SDK1: variants seen among roughly 807,000 people sequenced by gnomAD.
SDK1 encodes the protein protein sidekick-1.
A neutral mutation model predicts 245.5 loss-of-function variants in SDK1; 157 were observed. That is an observed-to-expected ratio of 0.64 (90% CI 0.56 to 0.73). The LOEUF (loss-of-function observed/expected upper bound fraction) is 0.73, where lower values mean the gene tolerates loss of function less well. SDK1 is among the 30% of genes least tolerant of loss of function. The probability of loss-of-function intolerance (pLI) is 0.00; values close to 1 mark genes in which losing one functional copy is unlikely to be tolerated. For missense variants in SDK1, 3,583 were observed against 3,002.3 expected (o/e 1.19, Z -4.52); for synonymous variants, 1,647 against 1,278.5 (o/e 1.29, Z -6.15).
chr7:3,948,497 C>T (rs1026580165), intron 5 of SDK1, among the ~76,000 whole-genome samples: 4 of 152,138 alleles, frequency 2.6e-5, no homozygotes, highest in East Asian at 1.9e-4. Flanking sequence ...CTCCTGACCT[C>T]GTGATCCACC....
intron 4 of SDK1, among the ~76,000 whole-genome samples, chr7:3,726,749 A>C (rs2115036139): frequency 6.6e-6 from 1 of 152,336 alleles, no homozygotes; most frequent in Non-Finnish European, 1.5e-5. Context: ...CAGTGTCCTC[A>C]GTACCAGCAG....
intron 2 of SDK1, among the ~76,000 whole-genome samples, chr7:3,628,688 G>C (rs1488350558): frequency 6.6e-6 from 1 of 152,132 alleles, no homozygotes; most frequent in South Asian, 2.1e-4. Context: ...CTGGCAACCT[G>C]GGTCAAGATA....
chr7:3,453,025 C>T (rs1334284312), intron 1 of SDK1, among the ~76,000 whole-genome samples: 1 of 152,190 alleles, frequency 6.6e-6, no homozygotes, highest in Admixed American at 6.5e-5. Context: ...CCCGTCTTGC[C>T]ATTGCCTCCT....
intron 22 of SDK1, among the ~76,000 whole-genome samples, chr7:4,081,491 C>A (rs1781053639): frequency 1.3e-5 from 2 of 149,868 alleles, no homozygotes; most frequent in Admixed American, 1.3e-4. Context: ...GCCTTCTCAG[C>A]TCACTGCAAG....
intron 5 of SDK1, among the ~76,000 whole-genome samples, chr7:3,828,857 A>G (rs114520524): frequency 8.6e-4 from 130 of 151,870 alleles, no homozygotes; most frequent in African/African-American, 3.0e-3. Context: ...CAGTCTGGCT[A>G]TGTTACCCAG....
chr7:4,139,223 G>A (rs1779302283), intron 28 of SDK1, among the ~76,000 whole-genome samples: 1 of 151,864 alleles, frequency 6.6e-6, no homozygotes, highest in South Asian at 2.1e-4. Context: ...ATCGCCACTT[G>A]CACTCCAGTC....
chr7:3,607,918 G>T (rs1385424903), intron 1 of SDK1, among the ~76,000 whole-genome samples: 1 of 152,248 alleles, frequency 6.6e-6, no homozygotes, highest in African/African-American at 2.4e-5. Context: ...TGTGGTTCAA[G>T]AACCTGTGGC....
chr7:4,062,705 A>T (rs1469003750), intron 19 of SDK1, among the ~76,000 whole-genome samples: 1 of 152,200 alleles, frequency 6.6e-6, no homozygotes, highest in Non-Finnish European at 1.5e-5. Context: ...AAAATCCTCA[A>T]CAAAAATATT....
At chr7:4,203,451 T>C (rs7787800) in intron 35 of SDK1, among the ~76,000 whole-genome samples, 49,315 of 151,824 alleles carry the variant, frequency 0.32, 8,770 homozygotes, top group African/African-American at 0.47. Flanking sequence ...AAATGCCAGT[T>C]GCAGGCAATC....
At chr7:3,434,897 C>G (rs992299393) in intron 1 of SDK1, among the ~76,000 whole-genome samples, 1 of 152,142 alleles carries the variant, frequency 6.6e-6, no homozygotes, top group African/African-American at 2.4e-5. Context: ...GCCATTTCAT[C>G]GCAGTGTTTA....
intron 5 of SDK1, among the ~76,000 whole-genome samples, chr7:3,943,383 T>C (rs1562555021): frequency 8.8e-4 from 3 of 3,418 alleles, no homozygotes; most frequent in Admixed American, 2.9e-3. Flanking sequence ...TCTTTCCCCT[T>C]CTCCCCCCAC....
At chr7:3,510,383 A>G (rs1261635342) in intron 1 of SDK1, among the ~76,000 whole-genome samples, 14 of 152,162 alleles carry the variant, frequency 9.2e-5, no homozygotes. Context: ...CAAGTTTTTT[A>G]GTTATGTTCC....
intron 1 of SDK1, among the ~76,000 whole-genome samples, chr7:3,489,527 T>C (rs1781805028): frequency 6.6e-6 from 1 of 152,220 alleles, no homozygotes; most frequent in South Asian, 2.1e-4. Context: ...GTCTTTATTG[T>C]TCTTCCAGCA....
At chr7:3,487,615 C>T (rs936471929) in intron 1 of SDK1, among the ~76,000 whole-genome samples, 6 of 151,930 alleles carry the variant, frequency 3.9e-5, no homozygotes, top group South Asian at 2.1e-4. Context: ...ATTAGCCAGG[C>T]ATGGTAGCTT....
At chr7:3,349,515 C>T (rs4722712) in intron 1 of SDK1, among the ~76,000 whole-genome samples, 89,871 of 151,990 alleles carry the variant, frequency 0.59, 27,510 homozygotes, top group African/African-American at 0.77. Context: ...GGGACCAGCC[C>T]TGTGAGGGCA....
chr7:3,722,777 G>A (rs906774040), intron 4 of SDK1, among the ~76,000 whole-genome samples: 1 of 152,174 alleles, frequency 6.6e-6, no homozygotes, highest in South Asian at 2.1e-4. Flanking sequence ...ACCGCCCTCT[G>A]TCTGTTCTTA....
rs544616130 is a variant in SDK1, at chr7:4,225,575, G to A, written c.5827+4211G>A. Among the ~76,000 whole-genome samples, 53 of 152,316 alleles carry A rather than the reference G, an allele frequency of 3.5e-4. 1 individual carries two copies. The East Asian group carries it at 9.5e-3, about 27-fold the overall frequency. ...TCCTCAGGTTCTCATATGCTGCTCC[G>A]CCGGCTGCACGAAGGGAACAGGACG... On this transcript the variant is annotated intron_variant, in intron 40 of 44. Coordinates refer to ENST00000404826, the MANE Select transcript of SDK1 (RefSeq NM_152744.4).
chr7:3,311,852 G>A (rs1423612772), intron 1 of SDK1, among the ~76,000 whole-genome samples: 3 of 152,164 alleles, frequency 2.0e-5, no homozygotes, highest in South Asian at 2.1e-4. Flanking sequence ...GAGCTAGGGC[G>A]TTAATCAGGA....
chr7:3,540,956 A>G (rs1475466428), intron 1 of SDK1, among the ~76,000 whole-genome samples: 7 of 152,314 alleles, frequency 4.6e-5, no homozygotes, highest in Admixed American at 3.9e-4. Flanking sequence ...AGTAGATCCT[A>G]TTCCAGGAAG....
Sources: allele counts gnomAD v4.1 joint callset (sites outside exome capture counted in the v4.1 genomes callset), GRCh38; gene constraint gnomAD v4.1.1; transcripts MANE v1.5; gene names NCBI Gene and HGNC (gene_info 2026-07-23, HGNC 2026-07-21).